CREB5: variants seen among roughly 807,000 people sequenced by gnomAD.
CREB5 encodes cAMP responsive element binding protein 5, also known as cyclic AMP-responsive element-binding protein 5.
Under a neutral mutation model 57.1 loss-of-function variants are expected in CREB5, and 19 were observed. The ratio of observed to expected loss-of-function variants is 0.33; its 90% CI spans 0.23 to 0.49. CREB5 has a LOEUF of 0.49. Among genes scored for constraint, CREB5 ranks in the 20% least tolerant of loss-of-function variants. The probability of loss-of-function intolerance (pLI) is 0.99; values close to 1 mark genes in which losing one functional copy is unlikely to be tolerated. For missense variants in CREB5, 579 were observed against 671.6 expected (o/e 0.86, Z 1.52); for synonymous variants, 238 against 238.3 (o/e 1.00, Z 0.01).
At chr7:28,427,458 T>C (rs144599684) in intron 1 of CREB5, among the ~76,000 whole-genome samples, 2 of 152,274 alleles carry the variant, frequency 1.3e-5, no homozygotes, top group Non-Finnish European at 2.9e-5. Context: ...GCAAGAGAAA[T>C]GTATACTCTG....
intron 5 of CREB5, among the ~76,000 whole-genome samples, chr7:28,571,847 C>A (rs160354): frequency 0.88 from 134,477 of 152,250 alleles, 59,591 homozygotes; most frequent in South Asian, 0.95. Flanking sequence ...AGCTGTGATA[C>A]AGTTCTGTTG....
At chr7:28,517,490 C>T (rs1174805865) in intron 4 of CREB5, among the ~76,000 whole-genome samples, 1 of 152,184 alleles carries the variant, frequency 6.6e-6, no homozygotes, top group East Asian at 1.9e-4. Flanking sequence ...CCATGCAGGG[C>T]CATTTCCCTT....
intron 1 of CREB5, among the ~76,000 whole-genome samples, chr7:28,365,742 C>T (rs1221103386): frequency 1.3e-5 from 2 of 152,224 alleles, no homozygotes; most frequent in Non-Finnish European, 2.9e-5. Context: ...AATGCATTCC[C>T]ATTTTACCTC....
In CREB5 at chr7:28,469,433, A is replaced by T. The variant is rs114793347; in HGVS notation, c.4-18742A>T. ...TAAGAGTTTGCTGGGTAGTCCTGAA[A>T]TTATAGCTTGTGTTTAAATATATGG... On this transcript the variant is annotated intron_variant, in intron 1 of 10. Transcript: ENST00000357727. Among the ~76,000 whole-genome samples the T allele has an allele frequency of 8.5e-3, 1,301 of 152,300 alleles. 16 individuals are homozygous for T. The highest frequency in any genetic ancestry group is 0.03 in the African/African-American group (1,230 of 41,572).
At chr7:28,659,892 C>T (rs1459685908) in intron 5 of CREB5, among the ~76,000 whole-genome samples, 1 of 152,028 alleles carries the variant, frequency 6.6e-6, no homozygotes, top group Non-Finnish European at 1.5e-5. Flanking sequence ...ATTATTGGAT[C>T]AGACATTTTG....
intron 1 of CREB5, among the ~76,000 whole-genome samples, chr7:28,351,563 T>C (rs16874525): frequency 0.52 from 78,313 of 152,030 alleles, 20,213 homozygotes; most frequent in Non-Finnish European, 0.55. Flanking sequence ...CCTTTAATCA[T>C]TGATATCATT....
At chr7:28,561,246 T>G (rs1454316388) in intron 4 of CREB5, among the ~76,000 whole-genome samples, 1 of 152,126 alleles carries the variant, frequency 6.6e-6, no homozygotes, top group East Asian at 1.9e-4. Flanking sequence ...AGGACAATGG[T>G]AGGAAATCAG....
chr7:28,557,767 C>G (rs1030480802), intron 4 of CREB5, among the ~76,000 whole-genome samples: 1 of 152,126 alleles, frequency 6.6e-6, no homozygotes, highest in African/African-American at 2.4e-5. Flanking sequence ...TGCCAAGGCT[C>G]CTGTGTGCTC....
rs1205441019 is a variant in CREB5 at position 28,551,842 on chromosome 7, TTTTTCTTTCTTTC to T, written c.292-18505_292-18493del. 4.9e-5 allele frequency among the ~76,000 whole-genome samples: 6 copies of T among 122,298 alleles called. No homozygotes were observed. The East Asian group carries it at 6.8e-4, about 14-fold the overall frequency. 80.2% of individuals were successfully genotyped at this position (122,298 alleles called of 152,430 possible). A position where few individuals can be genotyped will look rare whatever the true frequency, so the allele number is the denominator to read the frequency against. On this transcript the variant is annotated intron_variant, in intron 4 of 10. Coordinates refer to ENST00000357727, the MANE Select transcript of CREB5 (RefSeq NM_182898.4). ...TGATTTTTCTTTCTTTCTTTCTTTC[TTTTTCTTTCTTTC>T]TTTTCTTTCTTTCTTTTTCTTTCTT...
chr7:28,541,258 G>A (rs1278554522), intron 4 of CREB5, among the ~76,000 whole-genome samples: 2 of 152,094 alleles, frequency 1.3e-5, no homozygotes, highest in Non-Finnish European at 2.9e-5. Context: ...TGGTCTTTAC[G>A]TTCTTGCTCT....
At chr7:28,487,865 C>T (rs1046097846) in intron 1 of CREB5, among the ~76,000 whole-genome samples, 1 of 152,114 alleles carries the variant, frequency 6.6e-6, no homozygotes, top group African/African-American at 2.4e-5. Flanking sequence ...GTGGTCTTTC[C>T]TGGTAGTAAC....
intron 1 of CREB5, among the ~76,000 whole-genome samples, chr7:28,384,724 T>G (rs75756571): frequency 6.6e-6 from 1 of 151,998 alleles, no homozygotes; most frequent in Non-Finnish European, 1.5e-5. Context: ...ATAGCATATT[T>G]GGTGCAAATA....
chr7:28,714,030 G>C (rs1347332124), intron 5 of CREB5, among the ~76,000 whole-genome samples: 1 of 152,090 alleles, frequency 6.6e-6, no homozygotes, highest in East Asian at 1.9e-4. Context: ...CCAGGTTGGA[G>C]TGCAATGGTG....
chr7:28,671,333 C>G (rs1562562063), intron 5 of CREB5, among the ~76,000 whole-genome samples: 1 of 151,904 alleles, frequency 6.6e-6, no homozygotes, highest in Non-Finnish European at 1.5e-5. Context: ...TGAGTTCAGA[C>G]ATTTCCTATT....
intron 5 of CREB5, among the ~76,000 whole-genome samples, chr7:28,687,028 A>T (rs181010513): frequency 4.6e-5 from 7 of 152,200 alleles, no homozygotes; most frequent in African/African-American, 1.7e-4. Flanking sequence ...ATTGTAAATG[A>T]CTGGAAAACT....
At chr7:28,549,850 G>A (rs1170664800) in intron 4 of CREB5, among the ~76,000 whole-genome samples, 1 of 152,118 alleles carries the variant, frequency 6.6e-6, no homozygotes, top group Non-Finnish European at 1.5e-5. Context: ...ATTGCTGATG[G>A]TTTGCTTCAA....
intron 4 of CREB5, among the ~76,000 whole-genome samples, chr7:28,528,704 CAAAA>C (rs778154325): frequency 0.14 from 7,967 of 57,198 alleles, 137 homozygotes; most frequent in African/African-American, 0.23. Flanking sequence ...AACTCCATCT[CAAAA>C]AAAAAAAAAA....
chr7:28,406,490 C>T (rs1184830809), intron 1 of CREB5, among the ~76,000 whole-genome samples: 1 of 152,212 alleles, frequency 6.6e-6, no homozygotes, highest in African/African-American at 2.4e-5. Context: ...GGATGAGCAT[C>T]GGGAGAATCT....
At chr7:28,548,236 G>A (rs916157639) in intron 4 of CREB5, among the ~76,000 whole-genome samples, 8 of 152,056 alleles carry the variant, frequency 5.3e-5, no homozygotes, top group Admixed American at 1.3e-4. Flanking sequence ...CTTTTAATAC[G>A]TGCAGCTCCA....
Sources: allele counts gnomAD v4.1 joint callset (sites outside exome capture counted in the v4.1 genomes callset), GRCh38; gene constraint gnomAD v4.1.1; transcripts MANE v1.5; gene names NCBI Gene and HGNC (gene_info 2026-07-23, HGNC 2026-07-21).